Variants in SMYD1 observed in about 807,000 individuals in gnomAD.
SMYD1 encodes the protein histone-lysine N-methyltransferase SMYD1.
SMYD1 carries 49 observed loss-of-function variants against 54.0 expected under a neutral mutation model. The ratio of observed to expected loss-of-function variants is 0.91; its 90% confidence interval spans 0.72 to 1.15. The LOEUF (loss-of-function observed/expected upper bound fraction) is 1.15. SMYD1 is among the 50% of genes most tolerant of loss of function. The pLI, the probability that SMYD1 is intolerant of heterozygous loss-of-function variation, is 0.00. For missense variants in SMYD1, 653 were observed against 639.6 expected (o/e 1.02, Z -0.23); for synonymous variants, 269 against 234.2 (o/e 1.15, Z -1.36).
At chr2:88,086,511 A>T (rs1473359220) in intron 2 of SMYD1, among the ~76,000 whole-genome samples, 1 of 152,102 alleles carries the variant, frequency 6.6e-6, no homozygotes, top group Non-Finnish European at 1.5e-5. Context: ...CTGTGTCTCT[A>T]TAGGTCTCCT....
rs375802266 is a variant in SMYD1 at position 88,108,384 on chromosome 2, C to T, written c.1159C>T (p.Pro387Ser). ...ATGCTCCCACAGGAAGCTCTACCAC[C>T]CCAACAATGCCCAACTGGGCATGGC... ...MVDGYMKLYH[P>S]NNAQLGMAVM... The change falls in exon 9 of 10, where the codon CCC (proline) becomes TCC (serine). Residue 387 changes from proline (P) to serine (S), a missense_variant. Coordinates refer to ENST00000419482, the MANE Select transcript of SMYD1 (RefSeq NM_198274.4). 6.3e-7 allele frequency: 1 copy of T among 1,593,906 alleles called. No individual in the cohort carries two copies. Among genetic ancestry groups the T allele is most frequent in the Admixed American group, 1.8e-5 (1 of 56,448 alleles).
chr2:88,088,536 T>G (rs528444012), intron 3 of SMYD1, among the ~76,000 whole-genome samples: 1 of 152,288 alleles, frequency 6.6e-6, no homozygotes, highest in South Asian at 2.1e-4. Context: ...CTGGCCTTGT[T>G]TACTGTGAGG....
chr2:88,098,899 C>T (rs1385380904), intron 6 of SMYD1, among the ~76,000 whole-genome samples: 1 of 152,158 alleles, frequency 6.6e-6, no homozygotes, highest in African/African-American at 2.4e-5. Context: ...CCTTCAATTG[C>T]CATCAAAATC....
At chr2:88,110,016 C>T (rs962850782) in intron 9 of SMYD1, among the ~76,000 whole-genome samples, 1 of 152,200 alleles carries the variant, frequency 6.6e-6, no homozygotes, top group African/African-American at 2.4e-5. Context: ...GATTATGTCT[C>T]TTGCCTGAGG....
chr2:88,082,689 G>A (rs1470515940), intron 1 of SMYD1: 1 of 154,400 alleles, frequency 6.5e-6, no homozygotes, highest in Non-Finnish European at 1.5e-5. Flanking sequence ...AGAAAGGTGT[G>A]AGAATTCTAG....
At chr2:88,096,889 G>A (rs1674602567) in intron 6 of SMYD1, 105 bp downstream of exon 6, 3 of 1,160,350 alleles carry the variant, frequency 2.6e-6, no homozygotes, top group Admixed American at 5.3e-5. Context: ...AGCTTCCTAG[G>A]GAGCAACTGT....
Position 88,084,355 on chromosome 2 carries a change from G to A in SMYD1, c.177G>A (p.Gln59=). ...TGTGCCACACCTGCTTCAAGAGGCAGGAGAAGCTCCATCGCTGTGGGCAGT... is the reference window on the plus strand; with the variant it reads ...TGTGCCACACCTGCTTCAAGAGGCAAGAGAAGCTCCATCGCTGTGGGCAGT... ...NFVCHTCFKR[Q]EKLHRCGQCK... The change falls in exon 2 of 10, where the codon CAG becomes CAA. Residue 59 remains glutamine (Q), a synonymous_variant. Coordinates refer to ENST00000419482, the MANE Select transcript of SMYD1 (RefSeq NM_198274.4). The A allele has an allele frequency of 6.3e-7, 1 of 1,588,642 alleles. No homozygotes were observed. The highest frequency in any genetic ancestry group is 8.6e-7 in the Non-Finnish European group (1 of 1,159,020).
intron 1 of SMYD1, among the ~76,000 whole-genome samples, chr2:88,069,895 GTCT>G (rs1673908769): frequency 6.6e-6 from 1 of 152,020 alleles, no homozygotes; most frequent in Non-Finnish European, 1.5e-5. Flanking sequence ...TAAGGGCTAC[GTCT>G]TCTTCTATTA....
chr2:88,108,591 G>A (rs746083356), intron 9 of SMYD1, 52 bp downstream of exon 9: 7 of 1,498,426 alleles, frequency 4.7e-6, no homozygotes, highest in Non-Finnish European at 6.2e-6. Context: ...GCTTTCTGAG[G>A]ATGGGAGTGT....
At chr2:88,094,996 A>G (rs139320073) in intron 5 of SMYD1, among the ~76,000 whole-genome samples, 3 of 152,326 alleles carry the variant, frequency 2.0e-5, no homozygotes, top group East Asian at 3.9e-4. Flanking sequence ...GCAGCCTGAA[A>G]GCAACCAGGC....
intron 8 of SMYD1, 101 bp downstream of exon 8, chr2:88,106,589 C>T (rs2919862): frequency 0.097 from 120,347 of 1,244,494 alleles, 6,410 homozygotes; most frequent in South Asian, 0.14. Context: ...CCTCCTATAC[C>T]CACAGCAGGC....
chr2:88,100,947 T>C (rs939500987), intron 6 of SMYD1, among the ~76,000 whole-genome samples: 3 of 152,000 alleles, frequency 2.0e-5, no homozygotes, highest in African/African-American at 7.3e-5. Context: ...CAGAAGGATA[T>C]GGAAACAAGG....
In SMYD1 at chr2:88,106,392, T is replaced by A. The variant is rs1165439054; in HGVS notation, c.1049T>A (p.Met350Lys). 2.5e-6 allele frequency: 4 copies of A among 1,614,190 alleles called. No individual in the cohort carries two copies. The South Asian group carries it at 4.4e-5, about 18-fold the overall frequency. Residue 350 changes from methionine (M) to lysine (K), a missense_variant, in exon 8 of 10, where the codon ATG (methionine) becomes AAG (lysine). Met to Lys is a moderately conservative substitution (Grantham distance 95). Transcript: ENST00000419482. ...EPVFADTNIYMLRMLSIVSEV... is the reference protein window; with the variant it reads ...EPVFADTNIYKLRMLSIVSEV... ...GTGTTTGCTGACACCAACATCTACA[T>A]GCTGCGGATGCTGAGCATTGTTTCG... is the stretch of plus-strand genomic sequence containing the variant.
intron 3 of SMYD1, 55 bp downstream of exon 3, chr2:88,088,130 C>T (rs943860063): frequency 3.9e-5 from 59 of 1,520,026 alleles, no homozygotes; most frequent in Middle Eastern, 1.7e-4. Flanking sequence ...CTTTCCTTCC[C>T]TCCTCCCACT....
chr2:88,113,166 G>A lies in SMYD1; in HGVS notation c.*2654G>A, dbSNP rs1332498918. Reference sequence around the variant, plus strand: ...CAGATTGTGAGCTCCTGGAGGGCAGGAGCTGTGTCCTTCTATTCATCTTCC... The same window carrying A: ...CAGATTGTGAGCTCCTGGAGGGCAGAAGCTGTGTCCTTCTATTCATCTTCC... On this transcript the variant is annotated 3_prime_UTR_variant, in exon 10 of 10. Coordinates refer to ENST00000419482, the MANE Select transcript of SMYD1 (RefSeq NM_198274.4). 2 of 152,198 alleles carry A rather than the reference G, an allele frequency of 1.3e-5. No homozygotes were observed. The highest frequency in any genetic ancestry group is 1.9e-4 in the East Asian group (1 of 5,184). The allele number at this position is 152,198 out of a possible 1,614,324, so 9.4% of individuals were successfully genotyped here.
intron 2 of SMYD1, among the ~76,000 whole-genome samples, chr2:88,086,306 G>A (rs555896708): frequency 6.6e-6 from 1 of 152,108 alleles, no homozygotes; most frequent in Non-Finnish European, 1.5e-5. Flanking sequence ...CCTGTGCTTT[G>A]CCCAGCAGAT....
In SMYD1 at chr2:88,091,110, G is replaced by T. The variant is rs1174097372; in HGVS notation, c.627G>T (p.Trp209Cys). 2 of 1,614,148 alleles carry T rather than the reference G, an allele frequency of 1.2e-6. No homozygotes were observed. Among genetic ancestry groups the T allele is most frequent in the Non-Finnish European group, 1.7e-6 (2 of 1,180,012 alleles). ...PNLGLVNHDCWPNCTVIFNNG... is the reference protein window; with the variant it reads ...PNLGLVNHDCCPNCTVIFNNG... ...TGGGCCTGGTGAACCATGACTGTTG[G>T]CCCAACTGTACTGTCATATTTAACA... The change falls in exon 4 of 10, where the codon TGG (tryptophan) becomes TGT (cysteine). Residue 209 changes from tryptophan to cysteine, a missense_variant. By Grantham distance (215) the Trp-to-Cys change is radical (BLOSUM62 -2). Coordinates refer to ENST00000419482, the MANE Select transcript of SMYD1 (RefSeq NM_198274.4).
chr2:88,093,393 A>G, intron 4 of SMYD1, 124 bp from the exon 5 acceptor site: 1 of 1,118,776 alleles, frequency 8.9e-7, no homozygotes, highest in Non-Finnish European at 1.4e-6. Context: ...GGGCTAGGAT[A>G]AAGGTTATTG....
chr2:88,079,300 G>T (rs922889117), intron 1 of SMYD1, among the ~76,000 whole-genome samples: 4 of 152,160 alleles, frequency 2.6e-5, no homozygotes, highest in Admixed American at 2.6e-4. Context: ...TATTCTTAGG[G>T]ACATAATATG....
Sources: gnomAD v4.1 joint callset for allele counts (sites outside exome capture counted in the v4.1 genomes callset) on GRCh38, gnomAD v4.1.1 for gene constraint, MANE v1.5 for transcripts, NCBI Gene and HGNC (gene_info 2026-07-23, HGNC 2026-07-21) for gene names.